SECISBP2: variants seen among roughly 807,000 people sequenced by gnomAD.
SECISBP2 encodes the protein SECIS binding protein 2, also known as selenocysteine insertion sequence-binding protein 2.
A neutral mutation model predicts 98.2 loss-of-function variants in SECISBP2; 96 were observed. The ratio of observed to expected loss-of-function variants is 0.98; its 90% CI spans 0.83 to 1.16. The LOEUF is 1.16. Among genes scored for constraint, SECISBP2 ranks in the 50% most tolerant of loss-of-function variants. The pLI is 0.00. For missense variants in SECISBP2, 1,046 were observed against 1,022.9 expected, an observed-to-expected ratio of 1.02 and a Z score of -0.31; for synonymous variants, 407 against 370.2, an observed-to-expected ratio of 1.10 and a Z score of -1.14.
chr9:89,357,568 G>GAGTT lies in SECISBP2; in HGVS notation c.2268+6_2268+7insTAGT. 6.2e-7 allele frequency: 1 copy of GAGTT among 1,613,058 alleles called. No homozygotes were observed. Among genetic ancestry groups the GAGTT allele is most frequent in the Non-Finnish European group, 8.5e-7 (1 of 1,179,960 alleles). On this transcript the variant is annotated splice_donor_region_variant and intron_variant, in intron 15 of 16. Transcript: ENST00000375807. ...TCTTCAGCTATGATGGGGCCCAGGT[G>GAGTT]AGTGCACAGGGCACAGGCCTCTTCA...
chr9:89,338,736 C>G lies in SECISBP2; in HGVS notation c.1212+156C>G, dbSNP rs554320642. ...AGAAAACAGTAGCCACTCTTCTCAC[C>G]TCTTCATTTTGGCTTCCCAGTTGTC... On this transcript the variant is annotated intron_variant, in intron 8 of 16. Transcript: ENST00000375807. 1.3e-4 allele frequency among the ~76,000 whole-genome samples: 20 copies of G among 152,294 alleles called. 1 individual carries two copies. The East Asian group carries it at 3.5e-3, about 26-fold the overall frequency.
chr9:89,332,770 T>C, intron 5 of SECISBP2, 138 bp from the exon 6 acceptor site: 1 of 711,406 alleles, frequency 1.4e-6, no homozygotes, highest in Non-Finnish European at 2.5e-6. Context: ...TCTCCCAAAG[T>C]GGCTGTAACG....
In SECISBP2 at chr9:89,351,281, G is replaced by A. The variant is rs568019813; in HGVS notation, c.2113+429G>A. ...TTGACTCATCTGTTTGCTTGTTACA[G>A]ATGTGGCTTTGTCTAAATACTTTGC... On this transcript the variant is annotated intron_variant, in intron 14 of 16. Transcript: ENST00000375807. 3.3e-5 allele frequency among the ~76,000 whole-genome samples: 5 copies of A among 152,356 alleles called. No homozygotes were observed. The East Asian group carries it at 9.6e-4, about 29-fold the overall frequency.
intron 12 of SECISBP2, among the ~76,000 whole-genome samples, chr9:89,349,070 C>G (rs1373876988): frequency 6.6e-6 from 1 of 152,232 alleles, no homozygotes; most frequent in Non-Finnish European, 1.5e-5. Flanking sequence ...TCTGACTGTT[C>G]TACCAGTTAC....
chr9:89,350,975 T>C, intron 14 of SECISBP2, 123 bp downstream of exon 14: 2 of 831,174 alleles, frequency 2.4e-6, no homozygotes, highest in Non-Finnish European at 4.0e-6. Flanking sequence ...TTCTTTGTGG[T>C]TTTTGTTTTT....
At chr9:89,325,243 CT>C in intron 2 of SECISBP2, 183 bp from the exon 3 acceptor site, 1 of 619,032 alleles carries the variant, frequency 1.6e-6, no homozygotes, top group Non-Finnish European at 2.8e-6. Flanking sequence ...GAGTCAACAT[CT>C]TTCTTTGCAG....
At position 89,350,649 on chromosome 9, in the gene SECISBP2, TTAG is replaced by T. The variant is rs766825610; in HGVS notation, c.1913_1915del (p.Ser638del). 6.2e-7 allele frequency: 1 copy of T among 1,614,036 alleles called. No individual in the cohort carries two copies. Among genetic ancestry groups the T allele is most frequent in the Non-Finnish European group, 8.5e-7 (1 of 1,179,920 alleles). On this transcript the variant is annotated inframe_deletion, in exon 14 of 17. Transcript: ENST00000375807. Reference sequence around the variant, plus strand: ...TCTTTCAGTTACTGCAGCCAGATGCTTAGTAAAGAAGTGGATGCTTGTGTTACC... The same window carrying T: ...TCTTTCAGTTACTGCAGCCAGATGCTTAAAGAAGTGGATGCTTGTGTTACC...
chr9:89,344,899 G>A (rs768178539), intron 10 of SECISBP2, among the ~76,000 whole-genome samples: 14 of 152,038 alleles, frequency 9.2e-5, no homozygotes, highest in Non-Finnish European at 1.9e-4. Context: ...AAGAAGAGAA[G>A]GAACAAGGAA....
intron 10 of SECISBP2, among the ~76,000 whole-genome samples, chr9:89,346,437 C>T (rs1339342110): frequency 1.3e-5 from 2 of 152,114 alleles, no homozygotes; most frequent in African/African-American, 2.4e-5. Flanking sequence ...ACAAGATACA[C>T]ATGCGGAAAC....
chr9:89,341,091 C>G (rs1040135386), intron 9 of SECISBP2, among the ~76,000 whole-genome samples: 12 of 152,132 alleles, frequency 7.9e-5, no homozygotes, highest in African/African-American at 2.9e-4. Context: ...GTTGACTACT[C>G]ACAATGGAGA....
At chr9:89,356,767 C>T (rs1370099655) in intron 14 of SECISBP2, 1 of 155,886 alleles carries the variant, frequency 6.4e-6, no homozygotes, top group Non-Finnish European at 1.4e-5. Context: ...CAACTATAGT[C>T]TTGTGCTGCT....
At chr9:89,319,314 G>A (rs1564296598) in intron 1 of SECISBP2, among the ~76,000 whole-genome samples, 2 of 152,204 alleles carry the variant, frequency 1.3e-5, no homozygotes, top group Non-Finnish European at 2.9e-5. Flanking sequence ...TTTGACTGCA[G>A]TAGTTGTACT....
At chr9:89,357,925 G>A in intron 15 of SECISBP2, 74 bp from the exon 16 acceptor site, 1 of 1,477,532 alleles carries the variant, frequency 6.8e-7, no homozygotes, top group Non-Finnish European at 9.4e-7. Context: ...TGTGGAGGTG[G>A]CCATTGCTGA....
intron 2 of SECISBP2, among the ~76,000 whole-genome samples, chr9:89,321,679 T>C (rs1475811206): frequency 2.0e-5 from 3 of 151,218 alleles, no homozygotes; most frequent in Non-Finnish European, 4.4e-5. Flanking sequence ...AAAAAAAAAA[T>C]AGTTTTCTTA....
At chr9:89,342,502 C>T (rs1232692173) in intron 10 of SECISBP2, among the ~76,000 whole-genome samples, 1 of 152,124 alleles carries the variant, frequency 6.6e-6, no homozygotes, top group East Asian at 1.9e-4. Flanking sequence ...TTCACAATAA[C>T]CAAACGGTAG....
At position 89,325,532 on chromosome 9, in the gene SECISBP2, C is replaced by G. The variant is rs772199609; in HGVS notation, c.288C>G (p.Thr96=). The part of the protein sequence containing the change: ...TLHPYAYSPY[T]LDSTQNVYSV... ...ATCCATATGCCTATTCTCCTTATAC[C>G]CTTGACTCCACACAGAATGTTTACT... Residue 96 remains threonine, a synonymous_variant, in exon 3 of 17, where the codon ACC becomes ACG. Transcript: ENST00000375807. 1 of 1,613,758 alleles carries G rather than the reference C, an allele frequency of 6.2e-7. No individual in the cohort carries two copies.
intron 6 of SECISBP2, chr9:89,333,996 AT>A: frequency 6.8e-6 from 7 of 1,028,448 alleles, no homozygotes; most frequent in Non-Finnish European, 3.5e-6. Context: ...CTGTGTCCTG[AT>A]AGATGTCTTT....
At chr9:89,364,086 C>G, downstream of SECISBP2, 2 of 1,555,060 alleles carry the variant, frequency 1.3e-6, no homozygotes, top group Non-Finnish European at 1.7e-6. Flanking sequence ...AATTCAGTCC[C>G]TGGGACTGCC....
At chr9:89,328,598 T>G in intron 4 of SECISBP2, 62 bp from the exon 5 acceptor site, 1 of 1,376,726 alleles carries the variant, frequency 7.3e-7, no homozygotes, top group South Asian at 1.2e-5. Context: ...AATTTTTGCT[T>G]GCATACTGGT....
Sources: gnomAD v4.1 joint callset for allele counts (sites outside exome capture counted in the v4.1 genomes callset) on GRCh38, gnomAD v4.1.1 for gene constraint, MANE v1.5 for transcripts, NCBI Gene and HGNC (gene_info 2026-07-23, HGNC 2026-07-21) for gene names.